The following CDH8 variants were observed in gnomAD, a reference collection of about 807,000 sequenced individuals.
CDH8 encodes cadherin-8.
A neutral mutation model predicts 68.1 loss-of-function variants in CDH8; 17 were observed. That is an observed-to-expected ratio of 0.25 (90% CI 0.17 to 0.37). The LOEUF is 0.37. Ranked by LOEUF, CDH8 falls within the 10% of genes least tolerant of loss-of-function variation. CDH8 has a pLI of 1.00. For synonymous variants in CDH8, 372 were observed against 365.1 expected (o/e 1.02, Z -0.21); for missense variants, 763 against 999.3 (o/e 0.76, Z 3.19).
chr16:61,662,024 G>A, intron 10 of CDH8, among the ~76,000 whole-genome samples: 1 of 146,232 alleles, frequency 6.8e-6, no homozygotes, highest in Middle Eastern at 4.0e-3. Context: ...GGTGTTTCTT[G>A]GAAGATTTTT....
At chr16:61,765,051 T>C (rs1197292108) in intron 8 of CDH8, among the ~76,000 whole-genome samples, 1 of 152,072 alleles carries the variant, frequency 6.6e-6, no homozygotes, top group Non-Finnish European at 1.5e-5. Context: ...CTGGATAAAT[T>C]AAGACATCAT....
rs1959205179 is a variant in CDH8 at position 61,720,003 on chromosome 16, ACAC to A, written c.1537-6048_1537-6046del. ...CCCAATCTTATTAGGTAACACACAC[ACAC>A]ACACACACACACACACACCAAACCA... On this transcript the variant is annotated intron_variant, in intron 9 of 11. Coordinates refer to ENST00000577390, the MANE Select transcript of CDH8 (RefSeq NM_001796.5). Among the ~76,000 whole-genome samples, 3 of 150,808 alleles carry A rather than the reference ACAC, an allele frequency of 2.0e-5. No homozygotes were observed. In the South Asian group the frequency reaches 6.2e-4, roughly 31 times the overall value.
intron 2 of CDH8, among the ~76,000 whole-genome samples, chr16:61,930,396 T>G (rs1964523987): frequency 6.6e-6 from 1 of 152,174 alleles, no homozygotes; most frequent in African/African-American, 2.4e-5. Flanking sequence ...TAATGAACTG[T>G]TGCTAGGATG....
intron 2 of CDH8, among the ~76,000 whole-genome samples, chr16:62,009,218 T>A (rs942980939): frequency 2.6e-5 from 4 of 152,104 alleles, no homozygotes; most frequent in Non-Finnish European, 4.4e-5. Flanking sequence ...CATAAAGGGG[T>A]TATTCTTAGT....
intron 7 of CDH8, among the ~76,000 whole-genome samples, chr16:61,797,393 C>A (rs954872029): frequency 6.6e-6 from 1 of 152,096 alleles, no homozygotes; most frequent in Non-Finnish European, 1.5e-5. Flanking sequence ...AGCAGCCATA[C>A]AGGTTACCAT....
intron 8 of CDH8, among the ~76,000 whole-genome samples, chr16:61,767,535 G>A (rs1208362149): frequency 2.6e-5 from 4 of 151,874 alleles, no homozygotes; most frequent in African/African-American, 9.7e-5. Flanking sequence ...ATATCATAAT[G>A]CAAATGTTAA....
intron 9 of CDH8, among the ~76,000 whole-genome samples, chr16:61,721,319 T>A (rs919043334): frequency 3.3e-5 from 5 of 150,966 alleles, no homozygotes; most frequent in Non-Finnish European, 7.4e-5. Flanking sequence ...ATCAATTTCA[T>A]CTGTTTTAAA....
intron 2 of CDH8, among the ~76,000 whole-genome samples, chr16:61,908,229 G>T (rs149284088): frequency 2.0e-4 from 31 of 152,114 alleles, no homozygotes; most frequent in African/African-American, 7.2e-4. Context: ...GAGAGAAACT[G>T]GGCAGCTGGC....
At position 61,712,202 on chromosome 16, in the gene CDH8, A is replaced by C. The variant is rs1964643897; in HGVS notation, c.1654+1639T>G. Among the ~76,000 whole-genome samples, 4 of 151,736 alleles carry C rather than the reference A, an allele frequency of 2.6e-5. No individual in the cohort carries two copies. In the South Asian group the frequency reaches 8.3e-4, roughly 31 times the overall value. On this transcript the variant is annotated intron_variant, in intron 10 of 11. Coordinates refer to ENST00000577390, the MANE Select transcript of CDH8 (RefSeq NM_001796.5). ...TTCCAAAATTCAAGAAAACACATAA[A>C]ATTCATTTATTGTAGAATTAAATCT... is the stretch of plus-strand genomic sequence containing the variant.
At position 61,653,624 on chromosome 16, in the gene CDH8, C is replaced by G. The variant is rs1567403687; in HGVS notation, c.2384G>C (p.Ser795Thr). The change falls in exon 12 of 12, where the codon AGT (serine) becomes ACT (threonine). Residue 795 changes from serine to threonine, a missense_variant. This residue lies in a region of CDH8 where 397 missense variants were observed against 436.2 expected (regional missense o/e 0.91). Coordinates refer to ENST00000577390, the MANE Select transcript of CDH8 (RefSeq NM_001796.5). ...AATCCACTGTCAAGTTTCTTTGTCACTTTCACCAACAGAGTAGAGTTCGCC... is the reference window on the plus strand; with the variant it reads ...AATCCACTGTCAAGTTTCTTTGTCAGTTTCACCAACAGAGTAGAGTTCGCC... ...RLGELYSVGE[S>T]DKET 1 of 1,607,990 alleles carries G rather than the reference C, an allele frequency of 6.2e-7. No homozygotes were observed. The highest frequency in any genetic ancestry group is 2.2e-5 in the East Asian group (1 of 44,832).
chr16:61,686,612 T>A (rs1034285740), intron 10 of CDH8, among the ~76,000 whole-genome samples: 5 of 152,000 alleles, frequency 3.3e-5, no homozygotes, highest in Middle Eastern at 3.2e-3. Flanking sequence ...TACAGGCTTT[T>A]AAGTTCTCTG....
At chr16:61,776,582 T>A (rs1482652743) in intron 8 of CDH8, among the ~76,000 whole-genome samples, 2 of 152,104 alleles carry the variant, frequency 1.3e-5, no homozygotes, top group Non-Finnish European at 2.9e-5. Flanking sequence ...AATCCCAAAG[T>A]GATATGTTCC....
At chr16:61,729,031 T>C (rs1401169998) in intron 8 of CDH8, among the ~76,000 whole-genome samples, 2 of 151,250 alleles carry the variant, frequency 1.3e-5, no homozygotes, top group African/African-American at 2.4e-5. Flanking sequence ...GCATCAGGTA[T>C]ATTGAATGTT....
In CDH8 at chr16:61,825,130, C is replaced by T. The variant is rs758111743; in HGVS notation, c.717G>A (p.Glu239=). The change falls in exon 5 of 12, where the codon GAG becomes GAA. Residue 239 remains glutamate, a synonymous_variant. Coordinates refer to ENST00000577390, the MANE Select transcript of CDH8 (RefSeq NM_001796.5). The part of the protein sequence containing the change: ...LPNMDREAKE[E]YLVVIQAKDM... ...CTTTGGCTTGGATAACAACCAGGTA[C>T]TCCTCCTTGGCTTCTCTGTCCATGT... 6.2e-7 allele frequency: 1 copy of T among 1,611,810 alleles called. No individual in the cohort carries two copies. Among genetic ancestry groups the T allele is most frequent in the East Asian group, 2.2e-5 (1 of 44,798 alleles).
intron 2 of CDH8, among the ~76,000 whole-genome samples, chr16:61,923,059 CA>C (rs1231988984): frequency 2.0e-5 from 3 of 152,120 alleles, no homozygotes; most frequent in Non-Finnish European, 4.4e-5. Flanking sequence ...CACCTTCTAA[CA>C]GTTGAGAAAT....
rs148201124 is a variant in CDH8 at position 61,947,885 on chromosome 16, G to T, written c.253-46412C>A. 2.1e-3 allele frequency among the ~76,000 whole-genome samples: 321 copies of T among 152,276 alleles called. 1 individual carries two copies. The highest frequency in any genetic ancestry group is 3.0e-3 in the Non-Finnish European group (204 of 68,028). On this transcript the variant is annotated intron_variant, in intron 2 of 11. Coordinates refer to ENST00000577390, the MANE Select transcript of CDH8 (RefSeq NM_001796.5). Reference sequence around the variant, plus strand: ...GAAAATGAAAATAACCCAAGGGCATGCTCAGCTGATGGAATTTTTATCCAT... The same window carrying T: ...GAAAATGAAAATAACCCAAGGGCATTCTCAGCTGATGGAATTTTTATCCAT...
intron 10 of CDH8, among the ~76,000 whole-genome samples, chr16:61,687,032 T>C (rs1964122688): frequency 6.6e-6 from 1 of 151,976 alleles, no homozygotes; most frequent in South Asian, 2.1e-4. Context: ...GCAAATTATA[T>C]AATATCCTTT....
intron 8 of CDH8, among the ~76,000 whole-genome samples, chr16:61,738,815 G>A (rs996228105): frequency 1.3e-5 from 2 of 152,090 alleles, no homozygotes; most frequent in Non-Finnish European, 2.9e-5. Flanking sequence ...TGATGCGTGT[G>A]TATGTGTGTG....
At chr16:61,754,563 G>C (rs1394520152) in intron 8 of CDH8, among the ~76,000 whole-genome samples, 2 of 151,730 alleles carry the variant, frequency 1.3e-5, no homozygotes, top group Non-Finnish European at 2.9e-5. Flanking sequence ...GTGATATTTT[G>C]ACGCATGTAT....
Sources: allele counts gnomAD v4.1 joint callset (sites outside exome capture counted in the v4.1 genomes callset), GRCh38; gene constraint gnomAD v4.1.1; regional missense constraint gnomAD v4.1.1; transcripts MANE v1.5; gene names NCBI Gene and HGNC (gene_info 2026-07-23, HGNC 2026-07-21).